The following ZNF253 variants were observed in gnomAD, a reference collection of about 807,000 sequenced individuals.
The protein encoded by ZNF253 is DNA-binding protein.
Under a neutral mutation model 11.9 loss-of-function variants are expected in ZNF253, and 8 were observed. That is an observed-to-expected ratio of 0.67 (90% confidence interval 0.40 to 1.22). The LOEUF is 1.22. Ranked by LOEUF, ZNF253 falls within the 50% of genes most tolerant of loss-of-function variation. The pLI is 0.01. For missense variants in ZNF253, 485 were observed against 586.9 expected (o/e 0.83, Z 1.79); for synonymous variants, 194 against 194.9 (o/e 1.00, Z 0.04).
At chr19:19,869,689 A>G (rs113903626) in intron 1 of ZNF253, among the ~76,000 whole-genome samples, 3 of 63,686 alleles carry the variant, frequency 4.7e-5, no homozygotes, top group Non-Finnish European at 7.8e-5. Context: ...TTTTTTTTTA[A>G]AAAACAGTCT....
chr19:19,878,828 C>T lies in ZNF253; in HGVS notation c.130+221C>T, dbSNP rs530564210. On this transcript the variant is annotated intron_variant, in intron 2 of 3. Coordinates refer to ENST00000589717, the MANE Select transcript of ZNF253 (RefSeq NM_021047.3). The stretch of plus-strand genomic sequence containing the variant: ...CAATTTAATTGTACATTCACAATAA[C>T]TAAAAGTGTATAATTACACTGTTTG... The T allele has an allele frequency of 3.3e-5, 14 of 419,426 alleles. No homozygotes were observed. The South Asian group carries it at 4.4e-4, about 13-fold the overall frequency. The allele number at this position is 419,426 out of a possible 1,614,324, so 26.0% of individuals were successfully genotyped here.
chr19:19,872,265 T>C (rs946411406), intron 1 of ZNF253, among the ~76,000 whole-genome samples: 11 of 152,086 alleles, frequency 7.2e-5, no homozygotes, highest in Admixed American at 1.3e-4. Context: ...CTAAAATCCT[T>C]ACAAATGTGC....
chr19:19,876,372 G>A (rs73923040), intron 1 of ZNF253, among the ~76,000 whole-genome samples: 2,478 of 152,242 alleles, frequency 0.016, 48 homozygotes, highest in African/African-American at 0.056. Context: ...TGGTCACAGG[G>A]CCTGTTCTGT....
At chr19:19,879,727 AT>A (rs1463694224) in intron 2 of ZNF253, among the ~76,000 whole-genome samples, 2 of 152,228 alleles carry the variant, frequency 1.3e-5, no homozygotes, top group Non-Finnish European at 2.9e-5. Flanking sequence ...TACAATAGGA[AT>A]AAAATAACAG....
chr19:19,889,193 T>G (rs1010215492), intron 3 of ZNF253, among the ~76,000 whole-genome samples: 1 of 151,772 alleles, frequency 6.6e-6, no homozygotes, highest in Non-Finnish European at 1.5e-5. Flanking sequence ...TTTAAGAAAT[T>G]TTTAAGTTAT....
At chr19:19,872,561 C>CTATATATATATA (rs58650123) in intron 1 of ZNF253, among the ~76,000 whole-genome samples, 23 of 121,932 alleles carry the variant, frequency 1.9e-4, no homozygotes, top group African/African-American at 6.3e-4. Context: ...TAAACCATAA[C>CTATATATATATA]TATATATATA....
In ZNF253 at chr19:19,892,972, A is replaced by C; in HGVS notation, c.*225A>C. The C allele has an allele frequency of 4.1e-6, 2 of 489,376 alleles. No homozygotes were observed. The highest frequency in any genetic ancestry group is 7.0e-6 in the Non-Finnish European group (2 of 285,578). 30.3% of individuals were successfully genotyped at this position (489,376 alleles called of 1,614,324 possible). On this transcript the variant is annotated 3_prime_UTR_variant, in exon 4 of 4. Transcript: ENST00000589717. Reference sequence around the variant, plus strand: ...GTGGCAAAACCTATAAACCTATAACAAGTTCTCAATTCCTTTTTTTTTGAG... The same window carrying C: ...GTGGCAAAACCTATAAACCTATAACCAGTTCTCAATTCCTTTTTTTTTGAG...
At position 19,891,686 on chromosome 19, in the gene ZNF253, G is replaced by C; in HGVS notation, c.439G>C (p.Asp147His). The change falls in exon 4 of 4, where the codon GAT becomes CAT. Residue 147 changes from aspartate (D) to histidine (H), a missense_variant. By Grantham distance (81) the Asp-to-His change is moderately conservative. Transcript: ENST00000589717. ...TTTQKEIFQC[D>H]KYGKVFHKFS... ...TACCCAGAAAGAAATATTTCAATGTGATAAATATGGAAAAGTCTTTCATAA... is the reference window on the plus strand; with the variant it reads ...TACCCAGAAAGAAATATTTCAATGTCATAAATATGGAAAAGTCTTTCATAA... The C allele has an allele frequency of 6.2e-7, 1 of 1,614,040 alleles. No homozygotes were observed. Among genetic ancestry groups the C allele is most frequent in the Non-Finnish European group, 8.5e-7 (1 of 1,179,966 alleles).
chr19:19,885,346 CTTTCTTTCTTCCTTTCTTTTCTTTCT>C lies in ZNF253; in HGVS notation c.226+5211_226+5236del, dbSNP rs1568499282. 1.0e-3 allele frequency among the ~76,000 whole-genome samples: 66 copies of C among 62,928 alleles called. 2 individuals are homozygous for C. Among genetic ancestry groups the C allele is most frequent in the African/African-American group, 1.7e-3 (9 of 5,180 alleles). 41.3% of individuals were successfully genotyped at this position (62,928 alleles called of 152,430 possible). ...TCTTTCTTTCTTTCTTTCTTTCTTT[CTTTCTTTCTTCCTTTCTTTTCTTTCT>C]TTTCTTTCTTTTCTTTCTTTTCTTT... On this transcript the variant is annotated intron_variant, in intron 3 of 3. Coordinates refer to ENST00000589717, the MANE Select transcript of ZNF253 (RefSeq NM_021047.3).
At chr19:19,889,463 C>T (rs2063220065) in intron 3 of ZNF253, among the ~76,000 whole-genome samples, 1 of 152,132 alleles carries the variant, frequency 6.6e-6, no homozygotes, top group South Asian at 2.1e-4. Flanking sequence ...TCTCCTGCCT[C>T]AGCCTCCCAG....
At position 19,875,324 on chromosome 19, in the gene ZNF253, GCTC is replaced by G. The variant is rs59099053; in HGVS notation, c.4-3153_4-3151del. 7.6e-3 allele frequency among the ~76,000 whole-genome samples: 1,153 copies of G among 152,256 alleles called. 13 individuals carry two copies. Among genetic ancestry groups the G allele is most frequent in the African/African-American group, 0.026 (1,091 of 41,544 alleles). On this transcript the variant is annotated intron_variant, in intron 1 of 3. Coordinates refer to ENST00000589717, the MANE Select transcript of ZNF253 (RefSeq NM_021047.3). ...TTCTATTCCTGCAGATCCAGTAGTTGCTCCTCAAGTCACAAAAAAAGAAGTAAA... is the reference window on the plus strand; with the variant it reads ...TTCTATTCCTGCAGATCCAGTAGTTGCTCAAGTCACAAAAAAAGAAGTAAA...
intron 1 of ZNF253, among the ~76,000 whole-genome samples, chr19:19,876,350 T>C (rs1254859325): frequency 7.1e-6 from 1 of 141,480 alleles, no homozygotes. Context: ...GTTCCACCTT[T>C]GCACTAAAGG....
intron 2 of ZNF253, among the ~76,000 whole-genome samples, chr19:19,879,039 T>C (rs1275967922): frequency 1.3e-5 from 2 of 152,118 alleles, no homozygotes; most frequent in Non-Finnish European, 2.9e-5. Context: ...ATGGGAAAAA[T>C]GTTCTTCAAC....
At chr19:19,872,583 T>TATATATATATATTATTA (rs371297261) in intron 1 of ZNF253, among the ~76,000 whole-genome samples, 16 of 120,748 alleles carry the variant, frequency 1.3e-4, no homozygotes, top group African/African-American at 6.6e-4. Flanking sequence ...ATATATATTA[T>TATATATATATATTATTA]TATATATATA....
At chr19:19,873,969 C>T (rs1336681364) in intron 1 of ZNF253, among the ~76,000 whole-genome samples, 8 of 151,618 alleles carry the variant, frequency 5.3e-5, no homozygotes, top group Admixed American at 1.3e-4. Context: ...AGTGCAATGG[C>T]GGGATCTCAG....
At chr19:19,866,501 G>GTTTT (rs34627033) in intron 1 of ZNF253, among the ~76,000 whole-genome samples, 9 of 144,540 alleles carry the variant, frequency 6.2e-5, no homozygotes, top group East Asian at 6.2e-4. Flanking sequence ...AGGAAGGAAG[G>GTTTT]TTTTTTTTTT....
chr19:19,886,139 T>C (rs2063205652), intron 3 of ZNF253, among the ~76,000 whole-genome samples: 1 of 152,142 alleles, frequency 6.6e-6, no homozygotes, highest in African/African-American at 2.4e-5. Flanking sequence ...ATTACAGACA[T>C]GCACTACCAT....
chr19:19,878,822 C>A, intron 2 of ZNF253: 1 of 433,462 alleles, frequency 2.3e-6, no homozygotes, highest in Non-Finnish European at 4.0e-6. Flanking sequence ...TGTACATTCA[C>A]AATAACTAAA....
chr19:19,867,991 A>AT, intron 1 of ZNF253, among the ~76,000 whole-genome samples: 1 of 149,782 alleles, frequency 6.7e-6, no homozygotes, highest in South Asian at 2.1e-4. Flanking sequence ...CCACATGTAT[A>AT]TGTTCTTTTG....
Sources: gnomAD v4.1 joint callset for allele counts (sites outside exome capture counted in the v4.1 genomes callset) on GRCh38, gnomAD v4.1.1 for gene constraint, MANE v1.5 for transcripts, NCBI Gene and HGNC (gene_info 2026-07-23, HGNC 2026-07-21) for gene names.